The following ACOT11 variants were observed in gnomAD, a reference collection of about 807,000 sequenced individuals.
ACOT11 encodes the protein acyl-coenzyme A thioesterase 11.
Under a neutral mutation model 77.5 loss-of-function variants are expected in ACOT11, and 69 were observed. The observed-to-expected ratio is 0.89, with a 90% confidence interval of 0.73 to 1.09. The LOEUF is 1.09. ACOT11 is among the 50% of genes least tolerant of loss of function. ACOT11 has a pLI of 0.00. For synonymous variants in ACOT11, 279 were observed against 313.0 expected, an observed-to-expected ratio of 0.89 and a Z score of 1.15; for missense variants, 766 against 813.7, an observed-to-expected ratio of 0.94 and a Z score of 0.71.
At chr1:54,582,300 G>A in intron 1 of ACOT11, 2 of 288,470 alleles carry the variant, frequency 6.9e-6, no homozygotes, top group Non-Finnish European at 1.0e-5. Context: ...GGATCACACA[G>A]CACTTGAGGG....
intron 1 of ACOT11, among the ~76,000 whole-genome samples, chr1:54,570,512 A>G (rs1029968975): frequency 8.5e-5 from 13 of 152,134 alleles, no homozygotes; most frequent in African/African-American, 3.1e-4. Context: ...TTTCTACAAC[A>G]CCTTGCCCTT....
intron 1 of ACOT11, among the ~76,000 whole-genome samples, chr1:54,554,329 GTGTGTATA>G (rs1426720536): frequency 1.3e-5 from 1 of 75,812 alleles, no homozygotes; most frequent in South Asian, 4.1e-4. Flanking sequence ...GTGTGTGTGT[GTGTGTATA>G]TATATATATA....
At chr1:54,592,778 C>T (rs900086099) in intron 4 of ACOT11, among the ~76,000 whole-genome samples, 172 bp downstream of exon 4, 5 of 152,210 alleles carry the variant, frequency 3.3e-5, no homozygotes, top group Admixed American at 6.5e-5. Flanking sequence ...TCTTCCTGTC[C>T]CAAATCCCAG....
intron 16 of ACOT11, among the ~76,000 whole-genome samples, chr1:54,632,777 G>A (rs1288737798): frequency 6.6e-6 from 1 of 152,234 alleles, no homozygotes; most frequent in Non-Finnish European, 1.5e-5. Flanking sequence ...AGCACTGGCT[G>A]TCTGCGTGGC....
intron 1 of ACOT11, among the ~76,000 whole-genome samples, chr1:54,558,246 TAAAC>T (rs1007313712): frequency 6.6e-6 from 1 of 152,192 alleles, no homozygotes; most frequent in African/African-American, 2.4e-5. Flanking sequence ...GGTATTCAAA[TAAAC>T]AATGATGAAA....
At chr1:54,571,454 C>G (rs12057577) in intron 1 of ACOT11, among the ~76,000 whole-genome samples, 1 of 152,048 alleles carries the variant, frequency 6.6e-6, no homozygotes, top group East Asian at 1.9e-4. Flanking sequence ...TGGATGGTGC[C>G]GCGTAGAGAG....
In ACOT11 at chr1:54,554,353, T is replaced by TA. The variant is rs1557644014; in HGVS notation, c.33+6011_33+6012insA. ...TGTGTGTATATATATATATATATAT[T>TA]TTTTTTTTTTTTTTTTGAGATGGAG... is the stretch of plus-strand genomic sequence containing the variant. On this transcript the variant is annotated intron_variant, in intron 1 of 15. Transcript: ENST00000343744. Among the ~76,000 whole-genome samples the TA allele has an allele frequency of 3.2e-3, 106 of 33,436 alleles. 1 individual carries two copies. Among genetic ancestry groups the TA allele is most frequent in the African/African-American group, 8.9e-3 (98 of 10,964 alleles). The allele number at this position is 33,436 out of a possible 152,430, so 21.9% of individuals were successfully genotyped here.
intron 1 of ACOT11, among the ~76,000 whole-genome samples, chr1:54,550,058 C>T (rs989407547): frequency 1.3e-5 from 2 of 152,192 alleles, no homozygotes; most frequent in African/African-American, 4.8e-5. Flanking sequence ...TTATCATCCC[C>T]GTATCCCAGA....
In ACOT11 at chr1:54,609,345, C is replaced by T. The variant is rs748358204; in HGVS notation, c.*233C>T. On this transcript the variant is annotated 3_prime_UTR_variant, in exon 16 of 16. Transcript: ENST00000343744. The stretch of plus-strand genomic sequence containing the variant: ...CTGTAGTAGACTCGGGTCCTGTCCA[C>T]AGCCCTAGCTGCCAGCAATGCTGTC... The T allele has an allele frequency of 4.5e-5, 73 of 1,614,054 alleles. No homozygotes were observed. The Admixed American group carries it at 1.1e-3, about 25-fold the overall frequency.
In ACOT11 at chr1:54,562,969, G is replaced by GCCAGGCAGAGACACTCCTC. The variant is rs1569656812; in HGVS notation, c.33+14628_33+14646dup. Among the ~76,000 whole-genome samples, 3 of 146,232 alleles carry GCCAGGCAGAGACACTCCTC rather than the reference G, an allele frequency of 2.1e-5. No individual in the cohort carries two copies. The East Asian group carries it at 6.1e-4, about 30-fold the overall frequency. On this transcript the variant is annotated intron_variant, in intron 1 of 15. Coordinates refer to ENST00000343744, the MANE Select transcript of ACOT11 (RefSeq NM_147161.4). ...CTCCTCACATCCCAGACGATGGGCGGCCAGGCAGAGACACTCCTCACTTCC... is the reference window on the plus strand; with the variant it reads ...CTCCTCACATCCCAGACGATGGGCGGCCAGGCAGAGACACTCCTCCCAGGCAGAGACACTCCTCACTTCC...
chr1:54,563,255 G>A, intron 1 of ACOT11, among the ~76,000 whole-genome samples: 1 of 152,242 alleles, frequency 6.6e-6, no homozygotes, highest in East Asian at 1.9e-4. Context: ...TGAAAGTGCT[G>A]GGATTATAGG....
intron 13 of ACOT11, among the ~76,000 whole-genome samples, chr1:54,605,869 TC>T (rs1039473419): frequency 6.6e-6 from 1 of 152,180 alleles, no homozygotes; most frequent in Non-Finnish European, 1.5e-5. Flanking sequence ...GTTTTTCAAG[TC>T]CCCTTAAAGT....
intron 1 of ACOT11, among the ~76,000 whole-genome samples, chr1:54,583,239 AGGGGCTCTT>A (rs1273126378): frequency 6.6e-6 from 1 of 152,012 alleles, no homozygotes; most frequent in Non-Finnish European, 1.5e-5. Context: ...CCTCCTACCC[AGGGGCTCTT>A]GGGAATAAGC....
At chr1:54,625,098 C>A (rs963702021) in intron 15 of ACOT11, among the ~76,000 whole-genome samples, 1 of 96,350 alleles carries the variant, frequency 1.0e-5, no homozygotes. Flanking sequence ...TTCAACACCC[C>A]CTCCCCACCA....
intron 3 of ACOT11, among the ~76,000 whole-genome samples, chr1:54,590,601 G>GA (rs1181749497): frequency 6.6e-6 from 1 of 152,052 alleles, no homozygotes; most frequent in African/African-American, 2.4e-5. Flanking sequence ...TTATCTGGGG[G>GA]ACCACAGAAG....
chr1:54,637,677 C>T (rs948379953), exon 17 of ACOT11: 2 of 152,008 alleles, frequency 1.3e-5, no homozygotes, highest in African/African-American at 4.8e-5. Flanking sequence ...ATCACAGCTG[C>T]TTGGGAGGCT....
rs1384986255 is a variant in ACOT11, at chr1:54,594,036, C to T, written c.468C>T (p.Thr156=). The change falls in exon 5 of 16, where the codon ACC becomes ACT. Residue 156 remains threonine (T), a synonymous_variant. Transcript: ENST00000343744. The part of the protein sequence containing the change: ...LATFVARREI[T]KVKLKQITPR... Reference sequence around the variant, plus strand: ...CCTTCGTGGCCCGCCGAGAGATCACCAAGGTAACTGGGTGCGCCTGGCTGC... The same window carrying T: ...CCTTCGTGGCCCGCCGAGAGATCACTAAGGTAACTGGGTGCGCCTGGCTGC... 1.2e-6 allele frequency: 2 copies of T among 1,613,496 alleles called. No homozygotes were observed. Among genetic ancestry groups the T allele is most frequent in the Admixed American group, 1.7e-5 (1 of 59,954 alleles).
exon 17 of ACOT11, chr1:54,635,497 A>T (rs946431378): frequency 9.5e-6 from 2 of 210,516 alleles, no homozygotes; most frequent in Non-Finnish European, 1.9e-5. Context: ...ATAAAAGAGT[A>T]TCTAGAAGGA....
At chr1:54,610,858 G>A, downstream of ACOT11, 2 of 985,396 alleles carry the variant, frequency 2.0e-6, no homozygotes, top group Non-Finnish European at 1.2e-6. Context: ...GTCTGATGGG[G>A]CCTCTTTGAG....
Sources: gnomAD v4.1 joint callset for allele counts (sites outside exome capture counted in the v4.1 genomes callset) on GRCh38, gnomAD v4.1.1 for gene constraint, MANE v1.5 for transcripts, NCBI Gene and HGNC (gene_info 2026-07-23, HGNC 2026-07-21) for gene names.